RRAGC: variants seen among roughly 807,000 people sequenced by gnomAD.
RRAGC encodes Ras related GTP binding C.
A neutral mutation model predicts 37.1 loss-of-function variants in RRAGC; 8 were observed. The observed-to-expected ratio is 0.22, with a 90% CI of 0.13 to 0.39. The LOEUF is 0.39. Ranked by LOEUF, RRAGC falls within the 10% of genes least tolerant of loss-of-function variation. The pLI, the probability that RRAGC is intolerant of heterozygous loss-of-function variation, is 1.00. For missense variants in RRAGC, 342 were observed against 497.6 expected (o/e 0.69, Z 2.98); for synonymous variants, 190 against 181.1 (o/e 1.05, Z -0.39).
intron 3 of RRAGC, 114 bp from the exon 4 acceptor site, chr1:38,852,602 A>T: frequency 1.7e-6 from 1 of 585,342 alleles, no homozygotes; most frequent in Non-Finnish European, 3.1e-6. Flanking sequence ...GAGTTCAATA[A>T]AGCCTCTTTA....
At chr1:38,854,117 G>A (rs1042627070) in intron 3 of RRAGC, among the ~76,000 whole-genome samples, 21 of 145,780 alleles carry the variant, frequency 1.4e-4, no homozygotes, top group Non-Finnish European at 3.0e-5. Context: ...ACCCAGGCTG[G>A]AGTCCAGTGG....
chr1:38,843,792 A>G (rs905691727), intron 6 of RRAGC, among the ~76,000 whole-genome samples: 1 of 152,104 alleles, frequency 6.6e-6, no homozygotes, highest in Non-Finnish European at 1.5e-5. Flanking sequence ...TAGATCCTTG[A>G]GTAGTTAAAT....
chr1:38,855,669 C>G (rs771847109), intron 3 of RRAGC, 39 bp downstream of exon 3: 1 of 1,514,816 alleles, frequency 6.6e-7, no homozygotes, highest in Non-Finnish European at 9.2e-7. Context: ...ACATTTACAC[C>G]TTGTTCAGGG....
intron 6 of RRAGC, among the ~76,000 whole-genome samples, chr1:38,845,435 A>G (rs1306391677): frequency 6.6e-6 from 1 of 152,108 alleles, no homozygotes; most frequent in African/African-American, 2.4e-5. Context: ...ATGAGAACAC[A>G]TGGACACAGG....
At chr1:38,854,435 G>A (rs1237520226) in intron 3 of RRAGC, among the ~76,000 whole-genome samples, 1 of 152,184 alleles carries the variant, frequency 6.6e-6, no homozygotes, top group Non-Finnish European at 1.5e-5. Flanking sequence ...TGGTACTGAG[G>A]AAAGGGATGG....
At chr1:38,857,135 T>A (rs113222535) in intron 1 of RRAGC, 53 bp from the exon 2 acceptor site, 1 of 1,408,152 alleles carries the variant, frequency 7.1e-7, no homozygotes, top group Admixed American at 2.0e-5. Flanking sequence ...GAATTTAAAT[T>A]TAAAATTCCA....
chr1:38,849,415 G>A (rs752199961), intron 5 of RRAGC, among the ~76,000 whole-genome samples: 5 of 152,200 alleles, frequency 3.3e-5, no homozygotes, highest in Admixed American at 6.5e-5. Flanking sequence ...TTGGCTGGGA[G>A]TGGTAGCTCA....
At chr1:38,852,727 A>G in intron 3 of RRAGC, 1 of 261,604 alleles carries the variant, frequency 3.8e-6, no homozygotes, top group East Asian at 7.5e-5. Context: ...AAGGATTTTC[A>G]GGTACATAAA....
chr1:38,850,705 C>T (rs1314291145), intron 5 of RRAGC, among the ~76,000 whole-genome samples: 4 of 151,968 alleles, frequency 2.6e-5, no homozygotes, highest in African/African-American at 9.7e-5. Context: ...CTAGATGGAG[C>T]AGAGAGAAGA....
chr1:38,854,993 C>T (rs959493166), intron 3 of RRAGC, among the ~76,000 whole-genome samples: 3 of 152,182 alleles, frequency 2.0e-5, no homozygotes, highest in Non-Finnish European at 4.4e-5. Flanking sequence ...ATTCCTCATA[C>T]ACTTTTAGAA....
chr1:38,858,239 T>C (rs1642191348), intron 1 of RRAGC, among the ~76,000 whole-genome samples: 1 of 152,052 alleles, frequency 6.6e-6, no homozygotes, highest in South Asian at 2.1e-4. Flanking sequence ...ATATCACAGA[T>C]TCAGAAAGAA....
intron 2 of RRAGC, among the ~76,000 whole-genome samples, chr1:38,856,129 TTAA>T (rs1642164645): frequency 1.3e-5 from 2 of 152,088 alleles, no homozygotes; most frequent in South Asian, 4.1e-4. Flanking sequence ...TAATATTAAT[TTAA>T]GAAAGAAAAA....
intron 6 of RRAGC, among the ~76,000 whole-genome samples, chr1:38,840,470 T>C (rs955119355): frequency 1.3e-5 from 2 of 152,166 alleles, no homozygotes; most frequent in South Asian, 2.1e-4. Context: ...CCAGACAGGA[T>C]ATGCTAGCTG....
At chr1:38,858,405 ACT>A (rs1642193384) in intron 1 of RRAGC, among the ~76,000 whole-genome samples, 1 of 152,148 alleles carries the variant, frequency 6.6e-6, no homozygotes, top group African/African-American at 2.4e-5. Context: ...TTTAACCCTC[ACT>A]AAACAGTGTA....
Position 38,839,663 on chromosome 1 carries a change from G to A in RRAGC, c.1090C>T (p.His364Tyr), listed in dbSNP as rs370745456. 12 of 1,614,010 alleles carry A rather than the reference G, an allele frequency of 7.4e-6. No homozygotes were observed. In the South Asian group the frequency reaches 9.9e-5, roughly 13 times the overall value. ...YNFHCFRKAI[H>Y]EVFEVGVTSH... ...GTCACACCCACCTCAAAAACCTCAT[G>A]AATAGCTTTTCGGAAACAGTGGAAG... Residue 364 changes from histidine (H) to tyrosine (Y), a missense_variant, in exon 7 of 7, where the codon CAT becomes TAT. By Grantham distance (83) the His-to-Tyr change is moderately conservative. Around this residue, in one of 3 missense-constraint regions of RRAGC, gnomAD observed 104 missense variants for 127.0 expected, o/e 0.82. Coordinates refer to ENST00000373001, the MANE Select transcript of RRAGC (RefSeq NM_022157.4).
intron 5 of RRAGC, among the ~76,000 whole-genome samples, chr1:38,848,870 A>G (rs1642057994): frequency 6.6e-6 from 1 of 152,006 alleles, no homozygotes. Flanking sequence ...AATGGTTCAC[A>G]CTTGTAATCC....
At chr1:38,852,662 T>C in intron 3 of RRAGC, 174 bp from the exon 4 acceptor site, 1 of 438,264 alleles carries the variant, frequency 2.3e-6, no homozygotes, top group Non-Finnish European at 4.0e-6. Flanking sequence ...CTTTCCCACC[T>C]GGCTTCATCT....
Position 38,859,569 on chromosome 1 carries a change from G to C in RRAGC, c.78C>G (p.Phe26Leu), listed in dbSNP as rs1464258587. Residue 26 changes from phenylalanine to leucine, a missense_variant, in exon 1 of 7, where the codon TTC (phenylalanine) becomes TTG (leucine). Physicochemically the swap from Phe to Leu is conservative, Grantham distance 22 (BLOSUM62 0). Transcript: ENST00000373001. ...YGAADSFPKDFGYGVEEEEEE... is the reference protein window; with the variant it reads ...YGAADSFPKDLGYGVEEEEEE... Reference sequence around the variant, plus strand: ...CTTCCTCCTCCTCCACGCCGTAGCCGAAGTCCTTTGGAAACGAATCGGCCG... The same window carrying C: ...CTTCCTCCTCCTCCACGCCGTAGCCCAAGTCCTTTGGAAACGAATCGGCCG... The C allele has an allele frequency of 1.2e-5, 18 of 1,542,724 alleles. No individual in the cohort carries two copies. Among genetic ancestry groups the C allele is most frequent in the Non-Finnish European group, 1.6e-5 (18 of 1,144,340 alleles).
At position 38,839,088 on chromosome 1, in the gene RRAGC, A is replaced by G. The variant is rs1168761092; in HGVS notation, c.*465T>C. On this transcript the variant is annotated 3_prime_UTR_variant, in exon 7 of 7. Transcript: ENST00000373001. ...AGGTCTTAGTTGTGCAATGTCCAAA[A>G]CTGAAATCTGAGAGGCAGTGTTAGA... is the stretch of plus-strand genomic sequence containing the variant. 6.5e-6 allele frequency: 1 copy of G among 153,896 alleles called. No homozygotes were observed. Among genetic ancestry groups the G allele is most frequent in the African/African-American group, 2.4e-5 (1 of 41,506 alleles). The allele number at this position is 153,896 out of a possible 1,614,324, so 9.5% of individuals were successfully genotyped here.
Sources: gnomAD v4.1 joint callset for allele counts (sites outside exome capture counted in the v4.1 genomes callset) on GRCh38, gnomAD v4.1.1 for gene constraint, gnomAD v4.1.1 regional missense constraint, MANE v1.5 for transcripts, NCBI Gene and HGNC (gene_info 2026-07-23, HGNC 2026-07-21) for gene names.